Variants in SCAI observed in about 807,000 individuals in gnomAD.
SCAI encodes the protein suppressor of cancer cell invasion.
SCAI carries 24 observed loss-of-function variants against 92.2 expected under a neutral mutation model. The observed-to-expected ratio is 0.26, with a 90% CI of 0.19 to 0.37. SCAI has a LOEUF of 0.37. Among genes scored for constraint, SCAI ranks in the 10% least tolerant of loss-of-function variants. SCAI has a pLI of 1.00. For missense variants in SCAI, 450 were observed against 736.2 expected (o/e 0.61, Z 4.50); for synonymous variants, 261 against 258.6 (o/e 1.01, Z -0.09).
At position 124,943,768 on chromosome 9, in the gene SCAI, A is replaced by G. The variant is rs1588107254; in HGVS notation, c.*9039T>C. 6.6e-6 allele frequency: 1 copy of G among 152,162 alleles called. No homozygotes were observed. The highest frequency in any genetic ancestry group is 2.1e-4 in the South Asian group (1 of 4,830). 9.4% of individuals were successfully genotyped at this position (152,162 alleles called of 1,614,324 possible). On this transcript the variant is annotated 3_prime_UTR_variant, in exon 18 of 18. Transcript: ENST00000336505. ...TTTTAACTCCTATTTGATTATCTTAACCTTTAGTGATGATTAGAACTTAAA... is the reference window on the plus strand; with the variant it reads ...TTTTAACTCCTATTTGATTATCTTAGCCTTTAGTGATGATTAGAACTTAAA...
intron 7 of SCAI, among the ~76,000 whole-genome samples, chr9:125,020,351 C>T (rs1832847393): frequency 6.6e-6 from 1 of 152,110 alleles, no homozygotes; most frequent in South Asian, 2.1e-4. Context: ...TTTTTCTTCA[C>T]ATAACATTTC....
intron 17 of SCAI, chr9:124,968,247 G>A: frequency 3.8e-6 from 4 of 1,059,496 alleles, no homozygotes; most frequent in Middle Eastern, 3.0e-4. Flanking sequence ...AATGAAGCTG[G>A]GGTCTTGGCC....
rs936532596 is a variant in SCAI at position 125,096,018 on chromosome 9, G to A, written c.99-40011C>T. Among the ~76,000 whole-genome samples the A allele has an allele frequency of 4.6e-5, 7 of 152,312 alleles. No individual in the cohort carries two copies. In the East Asian group the frequency reaches 1.4e-3, roughly 29 times the overall value. ...CTCTCACTCCCAACAGCCAGCACCT[G>A]CAGGTCTTTGTAGAGGGGCTACCCT... On this transcript the variant is annotated intron_variant, in intron 2 of 17. Transcript: ENST00000336505.
At position 125,084,158 on chromosome 9, in the gene SCAI, C is replaced by CTTTTTTTTTTTTTTTT. The variant is rs34786493; in HGVS notation, c.99-28167_99-28152dup. ...ATATGAACAGGACTCTTGGCTGCTG[C>CTTTTTTTTTTTTTTTT]TTTTTTTTTTTTTTTTTTTTTTTTT... On this transcript the variant is annotated intron_variant, in intron 2 of 17. Transcript: ENST00000336505. 9.2e-5 allele frequency among the ~76,000 whole-genome samples: 6 copies of CTTTTTTTTTTTTTTTT among 65,116 alleles called. 2 individuals are homozygous for CTTTTTTTTTTTTTTTT. Among genetic ancestry groups the CTTTTTTTTTTTTTTTT allele is most frequent in the South Asian group, 1.3e-3 (2 of 1,558 alleles). 42.7% of individuals were successfully genotyped at this position (65,116 alleles called of 152,430 possible).
intron 2 of SCAI, among the ~76,000 whole-genome samples, chr9:125,070,890 T>C (rs990967990): frequency 6.6e-6 from 1 of 152,134 alleles, no homozygotes; most frequent in African/African-American, 2.4e-5. Context: ...GCATCTTGAA[T>C]TGTAGCTTCC....
chr9:124,997,273 G>T (rs1282852258), intron 13 of SCAI, among the ~76,000 whole-genome samples: 1 of 152,106 alleles, frequency 6.6e-6, no homozygotes, highest in Non-Finnish European at 1.5e-5. Flanking sequence ...GTTTATCCAG[G>T]ATCTCAAAGG....
chr9:124,970,845 G>A (rs1017229194), intron 17 of SCAI, among the ~76,000 whole-genome samples: 57 of 151,944 alleles, frequency 3.8e-4, no homozygotes, highest in Non-Finnish European at 5.4e-4. Context: ...TTGGAGTTTC[G>A]TTCTTGTCGT....
chr9:125,105,194 G>A lies in SCAI; in HGVS notation c.98+37439C>T, dbSNP rs930449423. ...AAAAAAAACTTTAAGAATTAGCTGG[G>A]CATGGTGACATGCCCCTGTAGTCCC... On this transcript the variant is annotated intron_variant, in intron 2 of 17. Transcript: ENST00000336505. Among the ~76,000 whole-genome samples the A allele has an allele frequency of 3.3e-5, 5 of 152,162 alleles. No homozygotes were observed. The East Asian group carries it at 9.7e-4, about 29-fold the overall frequency.
At position 124,999,873 on chromosome 9, in the gene SCAI, A is replaced by G. The variant is rs1832321028; in HGVS notation, c.1244+18T>C. ...GAGGTATAATTTTTATAATAAGAGT[A>G]GACACCAGAATACATACCAGTGCAT... On this transcript the variant is annotated intron_variant, in intron 13 of 17. Transcript: ENST00000336505. 1.6e-6 allele frequency: 2 copies of G among 1,239,716 alleles called. No homozygotes were observed. Among genetic ancestry groups the G allele is most frequent in the South Asian group, 2.7e-5 (2 of 73,502 alleles). The allele number at this position is 1,239,716 out of a possible 1,614,324, so 76.8% of individuals were successfully genotyped here. A position where few individuals can be genotyped will look rare whatever the true frequency, so the allele number is the denominator to read the frequency against.
At chr9:125,059,688 A>G (rs1293102783) in intron 2 of SCAI, among the ~76,000 whole-genome samples, 8 of 152,322 alleles carry the variant, frequency 5.3e-5, no homozygotes, top group Non-Finnish European at 1.0e-4. Context: ...AGATCTATCA[A>G]TTACACTGCA....
rs375498340 is a variant in SCAI, at chr9:125,135,985, AC to A, written c.98+6647del. Among the ~76,000 whole-genome samples, 32 of 150,880 alleles carry A rather than the reference AC, an allele frequency of 2.1e-4. No homozygotes were observed. In the South Asian group the frequency reaches 2.5e-3, roughly 12 times the overall value. ...TCCATCTCAAACAAAAAAAAAAAAAACAAAAAAAAAACCATAATTCTGTCAA... is the reference window on the plus strand; with the variant it reads ...TCCATCTCAAACAAAAAAAAAAAAAAAAAAAAAAAACCATAATTCTGTCAA... On this transcript the variant is annotated intron_variant, in intron 2 of 17. Coordinates refer to ENST00000336505, the MANE Select transcript of SCAI (RefSeq NM_001144877.3).
intron 16 of SCAI, 76 bp from the exon 17 acceptor site, chr9:124,971,546 G>A (rs1023046775): frequency 1.4e-5 from 20 of 1,419,934 alleles, no homozygotes; most frequent in Admixed American, 5.9e-5. Flanking sequence ...GAAACTTCAG[G>A]AAAGCGTTCT....
rs748013964 is a variant in SCAI, at chr9:125,020,701, T to C, written c.581A>G (p.Lys194Arg). ...RFIVVCLLLN[K>R]MDVVKDLVKE... Reference sequence around the variant, plus strand: ...TACCAGATCCTTTACAACATCCATTTTGTTGAGAAGAAGACAAACTACTAT... The same window carrying C: ...TACCAGATCCTTTACAACATCCATTCTGTTGAGAAGAAGACAAACTACTAT... The change falls in exon 7 of 18, where the codon AAA becomes AGA. Residue 194 changes from lysine to arginine, a missense_variant. Lys to Arg is a conservative substitution (Grantham distance 26). This residue lies in a region of SCAI where 360 missense variants were observed against 601.8 expected (regional missense o/e 0.60). Coordinates refer to ENST00000336505, the MANE Select transcript of SCAI (RefSeq NM_001144877.3). 2.6e-6 allele frequency: 4 copies of C among 1,510,234 alleles called. No homozygotes were observed. The highest frequency in any genetic ancestry group is 3.6e-6 in the Non-Finnish European group (4 of 1,102,504). The allele number at this position is 1,510,234 out of a possible 1,614,324, so 93.6% of individuals were successfully genotyped here. A position where few individuals can be genotyped will look rare whatever the true frequency, so the allele number is the denominator to read the frequency against.
intron 14 of SCAI, among the ~76,000 whole-genome samples, chr9:124,990,702 A>T (rs191275862): frequency 6.6e-6 from 1 of 152,292 alleles, no homozygotes; most frequent in African/African-American, 2.4e-5. Context: ...AGGGGAGAGA[A>T]GGAAGGAAAA....
intron 14 of SCAI, among the ~76,000 whole-genome samples, chr9:124,976,871 T>C (rs1261673004): frequency 1.3e-5 from 2 of 152,022 alleles, no homozygotes; most frequent in African/African-American, 2.4e-5. Context: ...TGTAAAGACA[T>C]ACCATGTTCT....
At position 124,994,992 on chromosome 9, in the gene SCAI, G is replaced by C; in HGVS notation, c.1268C>G (p.Pro423Arg). 6.2e-7 allele frequency: 1 copy of C among 1,612,250 alleles called. No homozygotes were observed. Among genetic ancestry groups the C allele is most frequent in the Non-Finnish European group, 8.5e-7 (1 of 1,179,278 alleles). Reference sequence around the variant, plus strand: ...GATGAACAGTGGCTTCCTGGTGAAAGGATAGAGATCCCCGGGATGAAGGCT... The same window carrying C: ...GATGAACAGTGGCTTCCTGGTGAAACGATAGAGATCCCCGGGATGAAGGCT... ...MHCLHPGDLY[P>R]FTRKPLFIIV... is the part of the protein sequence containing the mutation. The change falls in exon 14 of 18, where the codon CCT becomes CGT. Residue 423 changes from proline to arginine, a missense_variant. Physicochemically the swap from Pro to Arg is moderately radical, Grantham distance 103. This residue lies in a region of SCAI where 360 missense variants were observed against 601.8 expected (regional missense o/e 0.60). Coordinates refer to ENST00000336505, the MANE Select transcript of SCAI (RefSeq NM_001144877.3).
chr9:125,106,270 T>TA (rs200461656), intron 2 of SCAI, among the ~76,000 whole-genome samples: 2,054 of 140,420 alleles, frequency 0.015, 27 homozygotes, highest in South Asian at 0.036. Context: ...AAAAGCATGA[T>TA]AAAAAAAAAA....
chr9:125,141,793 CT>C (rs112788968), intron 2 of SCAI, among the ~76,000 whole-genome samples: 4,985 of 152,304 alleles, frequency 0.033, 240 homozygotes, highest in African/African-American at 0.11. Context: ...TATTTGGCCT[CT>C]CTGTGTCGCA....
intron 3 of SCAI, among the ~76,000 whole-genome samples, chr9:125,051,863 G>A (rs1833567019): frequency 6.6e-6 from 1 of 152,158 alleles, no homozygotes; most frequent in Non-Finnish European, 1.5e-5. Context: ...GAGGTTAGGA[G>A]TTCAAGACCA....
Sources: gnomAD v4.1 joint callset for allele counts (sites outside exome capture counted in the v4.1 genomes callset) on GRCh38, gnomAD v4.1.1 for gene constraint, gnomAD v4.1.1 regional missense constraint, MANE v1.5 for transcripts, NCBI Gene and HGNC (gene_info 2026-07-23, HGNC 2026-07-21) for gene names.